GRM7: variants seen among roughly 807,000 people sequenced by gnomAD.
The protein encoded by GRM7 is glutamate metabotropic receptor 7, also known as metabotropic glutamate receptor 7.
In GRM7, 35 loss-of-function variants were observed where a neutral mutation model predicts 84.5. That is an observed-to-expected ratio of 0.41 (90% confidence interval 0.32 to 0.55). The LOEUF (loss-of-function observed/expected upper bound fraction) is 0.55, where lower values mean the gene tolerates loss of function less well. Ranked by LOEUF, GRM7 falls within the 20% of genes least tolerant of loss-of-function variation. GRM7 has a pLI of 0.19. For missense variants in GRM7, 1,003 were observed against 1,194.6 expected, an observed-to-expected ratio of 0.84 and a Z score of 2.36; for synonymous variants, 487 against 455.1, an observed-to-expected ratio of 1.07 and a Z score of -0.89.
chr3:6,913,448 G>A (rs539587312), intron 1 of GRM7, among the ~76,000 whole-genome samples: 1 of 152,154 alleles, frequency 6.6e-6, no homozygotes, highest in South Asian at 2.1e-4. Context: ...AAATTGTGAG[G>A]ATGTGAATAA....
At chr3:7,048,891 C>A (rs915492555) in intron 1 of GRM7, among the ~76,000 whole-genome samples, 7 of 151,886 alleles carry the variant, frequency 4.6e-5, no homozygotes, top group African/African-American at 1.4e-4. Context: ...CCATTCTGTT[C>A]TCTTCTTCAA....
At chr3:6,916,381 A>G (rs114218012) in intron 1 of GRM7, among the ~76,000 whole-genome samples, 1,797 of 152,334 alleles carry the variant, frequency 0.012, 29 homozygotes, top group African/African-American at 0.04. Flanking sequence ...GACTTTTCTA[A>G]GTGCTATTTG....
In GRM7 at chr3:7,570,700, G is replaced by A. The variant is rs767271844; in HGVS notation, c.1516-7722G>A. Among the ~76,000 whole-genome samples the A allele has an allele frequency of 1.5e-4, 23 of 152,320 alleles. 1 individual carries two copies. Among genetic ancestry groups the A allele is most frequent in the South Asian group, 6.2e-4 (3 of 4,832 alleles). On this transcript the variant is annotated intron_variant, in intron 7 of 9. Transcript: ENST00000357716. ...TTGTCAGTGGATCTACCATTCTGGG[G>A]TCTGAAGGATGGTGGCCCTTTTCTC... is the stretch of plus-strand genomic sequence containing the variant.
intron 7 of GRM7, among the ~76,000 whole-genome samples, chr3:7,482,032 C>CA (rs1699149307): frequency 6.6e-6 from 1 of 151,976 alleles, no homozygotes; most frequent in Non-Finnish European, 1.5e-5. Flanking sequence ...ACTAAAAATA[C>CA]AAAAAATTAG....
intron 1 of GRM7, among the ~76,000 whole-genome samples, chr3:6,943,631 C>G (rs1264469325): frequency 6.6e-6 from 1 of 152,022 alleles, no homozygotes; most frequent in African/African-American, 2.4e-5. Context: ...TAATATGGAT[C>G]ATTTAGCTTT....
At chr3:7,135,115 G>A (rs1037778331) in intron 1 of GRM7, among the ~76,000 whole-genome samples, 1 of 152,110 alleles carries the variant, frequency 6.6e-6, no homozygotes, top group Non-Finnish European at 1.5e-5. Flanking sequence ...CAGATTTTAA[G>A]CTAATTCAAG....
intron 1 of GRM7, among the ~76,000 whole-genome samples, chr3:6,910,989 C>A (rs1235743259): frequency 2.0e-5 from 3 of 152,154 alleles, no homozygotes; most frequent in Admixed American, 2.0e-4. Context: ...ATAGCAACTG[C>A]AACCTACCAC....
chr3:7,411,441 CAT>C (rs1318213369), intron 4 of GRM7, among the ~76,000 whole-genome samples: 1 of 152,154 alleles, frequency 6.6e-6, no homozygotes, highest in East Asian at 1.9e-4. Context: ...TTCTGTCCAC[CAT>C]ATGTCTGTCT....
intron 1 of GRM7, among the ~76,000 whole-genome samples, chr3:7,131,542 G>GATCTCGGC (rs774704413): frequency 3.3e-5 from 5 of 152,032 alleles, no homozygotes; most frequent in Non-Finnish European, 7.4e-5. Flanking sequence ...TCAGTGGCAC[G>GATCTCGGC]ATCTCGGCTC....
intron 1 of GRM7, among the ~76,000 whole-genome samples, chr3:6,982,925 G>A (rs983191142): frequency 2.0e-5 from 3 of 152,158 alleles, no homozygotes; most frequent in Non-Finnish European, 4.4e-5. Flanking sequence ...TATCACAAAT[G>A]CAGCTATTAA....
rs148172010 is a variant in GRM7 at position 6,864,023 on chromosome 3, G to T, written c.519+2116G>T. 3.5e-3 allele frequency among the ~76,000 whole-genome samples: 534 copies of T among 152,220 alleles called. 1 individual carries two copies. The highest frequency in any genetic ancestry group is 8.3e-3 in the Admixed American group (127 of 15,292). The stretch of plus-strand genomic sequence containing the variant: ...CTAGTGGTGAAAAAAGGGGTGGGGG[G>T]CTGGCCTGACACTAATTTCTCCATT... On this transcript the variant is annotated intron_variant, in intron 1 of 9. Coordinates refer to ENST00000357716, the MANE Select transcript of GRM7 (RefSeq NM_000844.4).
At chr3:7,460,099 T>TAAAAAAAAAAAAAAA (rs71066013) in intron 6 of GRM7, among the ~76,000 whole-genome samples, 25 of 49,556 alleles carry the variant, frequency 5.0e-4, no homozygotes, top group South Asian at 1.3e-3. Flanking sequence ...CTTAAAATAG[T>TAAAAAAAAAAAAAAA]AAAAAAAAAA....
At chr3:6,957,041 C>A (rs868359435) in intron 1 of GRM7, among the ~76,000 whole-genome samples, 1 of 152,096 alleles carries the variant, frequency 6.6e-6, no homozygotes, top group Admixed American at 6.5e-5. Context: ...ATAGATATAG[C>A]GTTATAATTT....
chr3:6,879,814 C>G (rs1036803449), intron 1 of GRM7, among the ~76,000 whole-genome samples: 1 of 152,150 alleles, frequency 6.6e-6, no homozygotes, highest in African/African-American at 2.4e-5. Flanking sequence ...CCTAACTTTC[C>G]TCATGTAACA....
intron 8 of GRM7, among the ~76,000 whole-genome samples, chr3:7,635,796 C>T (rs1367457206): frequency 1.3e-5 from 2 of 152,114 alleles, no homozygotes; most frequent in Non-Finnish European, 2.9e-5. Flanking sequence ...GCCTCACCTT[C>T]CTGAGTATCT....
At chr3:7,636,248 C>A (rs1419668160) in intron 8 of GRM7, 1 of 456,536 alleles carries the variant, frequency 2.2e-6, no homozygotes, top group East Asian at 6.9e-5. Context: ...TACCCCACTT[C>A]CCAGGTCTCA....
In GRM7 at chr3:7,188,976, G is replaced by A. The variant is rs1002579529; in HGVS notation, c.736+42308G>A. Among the ~76,000 whole-genome samples the A allele has an allele frequency of 6.6e-6, 1 of 152,172 alleles. No individual in the cohort carries two copies. Among genetic ancestry groups the A allele is most frequent in the Non-Finnish European group, 1.5e-5 (1 of 68,040 alleles). On this transcript the variant is annotated intron_variant, in intron 2 of 9. Coordinates refer to ENST00000357716, the MANE Select transcript of GRM7 (RefSeq NM_000844.4). This position sits in a 1 kb window ranked among gnomAD's most constrained non-coding sequence, Gnocchi z 4.2. The stretch of plus-strand genomic sequence containing the variant: ...ACTCATCTAGGAACAAAGAGCCTAG[G>A]AGCTGTACTTTCTGAGTGAGTGGTC...
intron 4 of GRM7, among the ~76,000 whole-genome samples, chr3:7,412,782 T>C (rs1695997395): frequency 4.0e-5 from 6 of 151,786 alleles, no homozygotes; most frequent in Non-Finnish European, 8.8e-5. Context: ...ATAATAAAAA[T>C]ACCATCTGCC....
In GRM7 at chr3:6,919,326, G is replaced by A. The variant is rs568144343; in HGVS notation, c.519+57419G>A. 7.0e-4 allele frequency among the ~76,000 whole-genome samples: 106 copies of A among 150,454 alleles called. 1 individual carries two copies. The highest frequency in any genetic ancestry group is 2.5e-3 in the African/African-American group (102 of 40,924). On this transcript the variant is annotated intron_variant, in intron 1 of 9. Transcript: ENST00000357716. ...CGATTCTTCTGCCCCAGCCGCCTAA[G>A]TAGCTGCGATTATAAGTGCCCACCA...
Sources: gnomAD v4.1 joint callset for allele counts (sites outside exome capture counted in the v4.1 genomes callset) on GRCh38, gnomAD v4.1.1 for gene constraint, Gnocchi (gnomAD v3.1) non-coding constraint, MANE v1.5 for transcripts, NCBI Gene and HGNC (gene_info 2026-07-23, HGNC 2026-07-21) for gene names.